SAMMSON: variants seen among roughly 807,000 people sequenced by gnomAD.
SAMMSON encodes the protein long intergenic non-protein coding RNA 1212.
chr3:70,419,957 G>GT (rs1214825136), intron 2 of SAMMSON, among the ~76,000 whole-genome samples: 1 of 152,162 alleles, frequency 6.6e-6, no homozygotes, highest in African/African-American at 2.4e-5. Flanking sequence ...TATACATAGA[G>GT]TTTTTTGTCT....
At chr3:70,295,105 A>T (rs181720603) in intron 7 of SAMMSON, among the ~76,000 whole-genome samples, 1 of 152,190 alleles carries the variant, frequency 6.6e-6, no homozygotes, top group Non-Finnish European at 1.5e-5. Context: ...TTATTGGGTT[A>T]AACCAGTCAG....
intron 6 of SAMMSON, among the ~76,000 whole-genome samples, chr3:70,265,787 G>C (rs1464774843): frequency 6.6e-6 from 1 of 152,184 alleles, no homozygotes. Flanking sequence ...TTATAATCAT[G>C]ATGGGAGGCA....
chr3:70,094,192 C>T (rs2067315204), intron 4 of SAMMSON, among the ~76,000 whole-genome samples: 1 of 152,156 alleles, frequency 6.6e-6, no homozygotes, highest in Non-Finnish European at 1.5e-5. Flanking sequence ...ATCTCTTGAT[C>T]ATGCCTGCTG....
chr3:70,383,415 A>G (rs1575638066), intron 9 of SAMMSON, among the ~76,000 whole-genome samples: 1 of 152,122 alleles, frequency 6.6e-6, no homozygotes, highest in Admixed American at 6.6e-5. Context: ...CATATTAGAA[A>G]ATAGCTTTCA....
intron 2 of SAMMSON, among the ~76,000 whole-genome samples, chr3:70,423,818 C>T (rs897646345): frequency 3.9e-5 from 6 of 152,046 alleles, no homozygotes; most frequent in Non-Finnish European, 1.5e-5. Context: ...AATACAGAAA[C>T]TCTAAGACTG....
chr3:70,267,971 C>T (rs1032811793), intron 6 of SAMMSON, among the ~76,000 whole-genome samples: 1 of 151,114 alleles, frequency 6.6e-6, no homozygotes, highest in African/African-American at 2.4e-5. Context: ...TTCCTTTCGC[C>T]TCCCCTTTCG....
intron 3 of SAMMSON, among the ~76,000 whole-genome samples, chr3:70,058,838 C>T (rs552594736): frequency 1.3e-5 from 2 of 152,042 alleles, no homozygotes; most frequent in African/African-American, 4.8e-5. Context: ...CAAATCAAGT[C>T]AGAGAGATTA....
chr3:70,259,071 G>T (rs1045681055), intron 6 of SAMMSON, among the ~76,000 whole-genome samples: 16 of 152,120 alleles, frequency 1.1e-4, no homozygotes, highest in Non-Finnish European at 2.2e-4. Context: ...AGGTCAGTTT[G>T]CTCATTGAAA....
chr3:70,373,040 C>T (rs924521503), intron 9 of SAMMSON, among the ~76,000 whole-genome samples: 3 of 152,158 alleles, frequency 2.0e-5, no homozygotes, highest in African/African-American at 7.2e-5. Flanking sequence ...TTCAGAAATG[C>T]AAGAGTAGAA....
At chr3:70,097,348 A>G (rs2067326561) in intron 4 of SAMMSON, among the ~76,000 whole-genome samples, 1 of 152,252 alleles carries the variant, frequency 6.6e-6, no homozygotes, top group Non-Finnish European at 1.5e-5. Flanking sequence ...TCTTATTCCA[A>G]GTATTGGTTC....
intron 4 of SAMMSON, among the ~76,000 whole-genome samples, chr3:70,084,559 C>T (rs757958603): frequency 3.3e-4 from 50 of 152,180 alleles, no homozygotes; most frequent in Admixed American, 1.1e-3. Flanking sequence ...GGTACAGGCC[C>T]CTTGCCTTCG....
At chr3:70,062,831 A>G (rs2067195440) in intron 3 of SAMMSON, among the ~76,000 whole-genome samples, 1 of 152,076 alleles carries the variant, frequency 6.6e-6, no homozygotes, top group African/African-American at 2.4e-5. Flanking sequence ...TGACTTCCAC[A>G]TCTGTACCTG....
At chr3:70,004,121 T>C (rs2066916676) in intron 1 of SAMMSON, among the ~76,000 whole-genome samples, 1 of 152,148 alleles carries the variant, frequency 6.6e-6, no homozygotes, top group South Asian at 2.1e-4. Flanking sequence ...ATCTGTTTAT[T>C]GTGCACAGGT....
chr3:70,293,499 A>T (rs1575618207), intron 7 of SAMMSON, among the ~76,000 whole-genome samples: 1 of 152,072 alleles, frequency 6.6e-6, no homozygotes, highest in Non-Finnish European at 1.5e-5. Context: ...TGATCCTACT[A>T]TTGTGATGTT....
At chr3:70,098,658 C>T (rs767350626) in intron 4 of SAMMSON, among the ~76,000 whole-genome samples, 6 of 152,068 alleles carry the variant, frequency 3.9e-5, no homozygotes, top group Admixed American at 2.0e-4. Context: ...TGAGCCACCA[C>T]GCCCGGCCTC....
chr3:70,266,823 C>A (rs1701920590), intron 6 of SAMMSON, among the ~76,000 whole-genome samples: 1 of 152,074 alleles, frequency 6.6e-6, no homozygotes, highest in Non-Finnish European at 1.5e-5. Flanking sequence ...AGATATCAGT[C>A]CAGAAGGTAC....
intron 4 of SAMMSON, among the ~76,000 whole-genome samples, chr3:70,090,037 A>T (rs902030866): frequency 6.6e-6 from 1 of 152,056 alleles, no homozygotes; most frequent in Non-Finnish European, 1.5e-5. Flanking sequence ...ATTCTTTCCT[A>T]CCCTTTTTTT....
chr3:70,332,405 C>T (rs1463747180), intron 7 of SAMMSON, among the ~76,000 whole-genome samples: 1 of 152,150 alleles, frequency 6.6e-6, no homozygotes, highest in East Asian at 1.9e-4. Context: ...ATACCTCCCT[C>T]CATCCTCATT....
downstream of SAMMSON, among the ~76,000 whole-genome samples, chr3:70,393,066 C>A (rs995658199): frequency 2.6e-5 from 4 of 152,160 alleles, no homozygotes; most frequent in African/African-American, 9.7e-5. Context: ...GGAATATGGA[C>A]TAATTAGAAT....
Sources: allele counts gnomAD v4.1 joint callset (sites outside exome capture counted in the v4.1 genomes callset), GRCh38; gene constraint gnomAD v4.1.1; transcripts MANE v1.5; gene names NCBI Gene and HGNC (gene_info 2026-07-23, HGNC 2026-07-21).